SMC5: variants seen among roughly 807,000 people sequenced by gnomAD.
SMC5 encodes structural maintenance of chromosomes 5, also known as structural maintenance of chromosomes protein 5.
Under a neutral mutation model 148.3 loss-of-function variants are expected in SMC5, and 88 were observed. The observed-to-expected ratio is 0.59, with a 90% CI of 0.50 to 0.71. SMC5 has a LOEUF of 0.71. SMC5 is among the 30% of genes least tolerant of loss of function. The pLI, the probability that SMC5 is intolerant of heterozygous loss-of-function variation, is 0.00. For missense variants in SMC5, 1,142 were observed against 1,298.9 expected (o/e 0.88, Z 1.86); for synonymous variants, 421 against 432.8 (o/e 0.97, Z 0.34).
chr9:70,269,287 T>C lies in SMC5; in HGVS notation c.380+1312T>C, dbSNP rs2034379766. On this transcript the variant is annotated intron_variant, in intron 3 of 24. Coordinates refer to ENST00000361138, the MANE Select transcript of SMC5 (RefSeq NM_015110.4). ...TCCTAGAAACATAAAGTTAATGTCA[T>C]TATTAACATGTCAGACCAGGTGCAG... is the stretch of plus-strand genomic sequence containing the variant. Among the ~76,000 whole-genome samples, 3 of 152,110 alleles carry C rather than the reference T, an allele frequency of 2.0e-5. No homozygotes were observed. In the South Asian group the frequency reaches 6.2e-4, roughly 31 times the overall value.
intron 22 of SMC5, 85 bp from the exon 23 acceptor site, chr9:70,350,029 C>A: frequency 1.1e-6 from 1 of 925,402 alleles, no homozygotes; most frequent in Non-Finnish European, 1.6e-6. Context: ...TTTACTCTTA[C>A]TCAGTTAATT....
chr9:70,347,247 C>G, intron 20 of SMC5, 86 bp downstream of exon 20: 1 of 1,009,492 alleles, frequency 9.9e-7, no homozygotes, highest in Non-Finnish European at 1.5e-6. Context: ...AGAGTTCCCT[C>G]CAGTACTTGC....
At chr9:70,313,828 G>A (rs933271800) in intron 11 of SMC5, among the ~76,000 whole-genome samples, 2 of 152,044 alleles carry the variant, frequency 1.3e-5, no homozygotes, top group Admixed American at 1.3e-4. Flanking sequence ...TTCTGGAATC[G>A]TGGGTAATAA....
chr9:70,337,222 G>A (rs1349608794), intron 17 of SMC5, among the ~76,000 whole-genome samples: 1 of 152,144 alleles, frequency 6.6e-6, no homozygotes, highest in African/African-American at 2.4e-5. Flanking sequence ...TTTTACATCA[G>A]TATTAATGAG....
chr9:70,327,006 T>A (rs2036098551), intron 17 of SMC5, among the ~76,000 whole-genome samples: 1 of 152,150 alleles, frequency 6.6e-6, no homozygotes, highest in African/African-American at 2.4e-5. Context: ...GAAAAGGGAT[T>A]CAGATATAAA....
intron 17 of SMC5, among the ~76,000 whole-genome samples, chr9:70,327,577 G>A (rs1232873960): frequency 6.6e-6 from 1 of 152,106 alleles, no homozygotes; most frequent in Non-Finnish European, 1.5e-5. Flanking sequence ...TTGTGACTTT[G>A]AAAAATGGTT....
At chr9:70,263,005 A>G (rs1307337558) in intron 1 of SMC5, among the ~76,000 whole-genome samples, 2 of 151,702 alleles carry the variant, frequency 1.3e-5, no homozygotes, top group African/African-American at 4.8e-5. Context: ...AACTGTCCCT[A>G]TTTGTAATAT....
At chr9:70,263,960 G>A (rs1007258913) in intron 1 of SMC5, among the ~76,000 whole-genome samples, 3 of 152,126 alleles carry the variant, frequency 2.0e-5, no homozygotes, top group African/African-American at 7.2e-5. Flanking sequence ...GTAAGCCGTG[G>A]CGTCTCCTAT....
At chr9:70,345,142 GTGT>G (rs1355496203) in intron 18 of SMC5, among the ~76,000 whole-genome samples, 1 of 149,962 alleles carries the variant, frequency 6.7e-6, no homozygotes, top group Non-Finnish European at 1.5e-5. Flanking sequence ...AGAATACATT[GTGT>G]TGTTATAAAA....
chr9:70,316,711 C>G (rs1359794230), intron 13 of SMC5, among the ~76,000 whole-genome samples: 1 of 152,010 alleles, frequency 6.6e-6, no homozygotes, highest in Non-Finnish European at 1.5e-5. Context: ...ACTTTTTAAA[C>G]TTCACTTTGG....
intron 17 of SMC5, among the ~76,000 whole-genome samples, chr9:70,337,755 C>T (rs1453737674): frequency 6.6e-6 from 1 of 151,908 alleles, no homozygotes; most frequent in Non-Finnish European, 1.5e-5. Context: ...TACACCTGGC[C>T]AAGAAATACT....
intron 8 of SMC5, among the ~76,000 whole-genome samples, chr9:70,292,954 G>C (rs1430436561): frequency 2.0e-5 from 3 of 152,024 alleles, no homozygotes; most frequent in African/African-American, 7.2e-5. Flanking sequence ...CTGTTTTGTA[G>C]TCTTCTTGTA....
chr9:70,326,757 C>T (rs1011711337), intron 17 of SMC5, among the ~76,000 whole-genome samples: 18 of 151,058 alleles, frequency 1.2e-4, no homozygotes, highest in African/African-American at 4.4e-4. Flanking sequence ...AGTAAAAGCA[C>T]AGTGAAACAA....
At chr9:70,309,848 T>C (rs1449203899) in intron 11 of SMC5, among the ~76,000 whole-genome samples, 3 of 152,208 alleles carry the variant, frequency 2.0e-5, no homozygotes, top group Admixed American at 6.5e-5. Flanking sequence ...ACATGTAGAA[T>C]GATGAATCTT....
intron 13 of SMC5, among the ~76,000 whole-genome samples, chr9:70,317,543 T>C (rs2035835086): frequency 2.0e-5 from 3 of 152,158 alleles, no homozygotes; most frequent in African/African-American, 7.2e-5. Context: ...CTAGTGTGCT[T>C]AAATATGTCT....
At chr9:70,303,532 CTG>C (rs1360653546) in intron 10 of SMC5, among the ~76,000 whole-genome samples, 1 of 152,122 alleles carries the variant, frequency 6.6e-6, no homozygotes, top group African/African-American at 2.4e-5. Context: ...TTGTGTGTAA[CTG>C]TTTTCTCATT....
rs554912542 is a variant in SMC5 at position 70,264,353 on chromosome 9, G to A, written c.235G>A (p.Val79Ile). Reference sequence around the variant, plus strand: ...TCCTGGACCCCACTTGAATATGATCGTTGGAGCCAATGGAACAGGGAAGTC... The same window carrying A: ...TCCTGGACCCCACTTGAATATGATCATTGGAGCCAATGGAACAGGGAAGTC... Reference protein sequence around the residue: ...VSPGPHLNMIVGANGTGKSSI... With the variant: ...VSPGPHLNMIIGANGTGKSSI... The change falls in exon 2 of 25, where the codon GTT becomes ATT. Residue 79 changes from valine to isoleucine, a missense_variant. Physicochemically the swap from Val to Ile is conservative, Grantham distance 29 (BLOSUM62 3). Transcript: ENST00000361138. 1.2e-5 allele frequency: 19 copies of A among 1,613,804 alleles called. No individual in the cohort carries two copies. Among genetic ancestry groups the A allele is most frequent in the Admixed American group, 1.7e-5 (1 of 59,996 alleles).
rs749815955 is a variant in SMC5 at position 70,347,997 on chromosome 9, A to G, written c.2848A>G (p.Met950Val). Reference protein sequence around the residue: ...NEKFSNFFSSMQCAGEVDLHT... With the variant: ...NEKFSNFFSSVQCAGEVDLHT... Reference sequence around the variant, plus strand: ...AAAATTCAGCAATTTTTTTAGTTCCATGCAGTGTGCTGGTGAAGTTGATCT... The same window carrying G: ...AAAATTCAGCAATTTTTTTAGTTCCGTGCAGTGTGCTGGTGAAGTTGATCT... Residue 950 changes from methionine (M) to valine (V), a missense_variant, in exon 22 of 25, where the codon ATG becomes GTG. By Grantham distance (21) the Met-to-Val change is conservative (BLOSUM62 1). This residue lies in a region of SMC5 where 743 missense variants were observed against 835.7 expected (regional missense o/e 0.89). Coordinates refer to ENST00000361138, the MANE Select transcript of SMC5 (RefSeq NM_015110.4). 4.4e-6 allele frequency: 7 copies of G among 1,607,048 alleles called. No homozygotes were observed. The highest frequency in any genetic ancestry group is 1.1e-5 in the South Asian group (1 of 89,186).
At chr9:70,299,922 G>T in intron 9 of SMC5, 124 bp from the exon 10 acceptor site, 3 of 709,076 alleles carry the variant, frequency 4.2e-6, no homozygotes, top group Non-Finnish European at 6.3e-6. Context: ...TCCACTATGG[G>T]AGTTACTTGC....
Sources: allele counts gnomAD v4.1 joint callset (sites outside exome capture counted in the v4.1 genomes callset), GRCh38; gene constraint gnomAD v4.1.1; regional missense constraint gnomAD v4.1.1; transcripts MANE v1.5; gene names NCBI Gene and HGNC (gene_info 2026-07-23, HGNC 2026-07-21).